The following GPC5 variants were observed in gnomAD, a reference collection of about 807,000 sequenced individuals.
GPC5 encodes glypican-5.
A neutral mutation model predicts 53.9 loss-of-function variants in GPC5; 47 were observed. That is an observed-to-expected ratio of 0.87 (90% confidence interval 0.69 to 1.11). The LOEUF is 1.11. Among genes scored for constraint, GPC5 ranks in the 50% most tolerant of loss-of-function variants. GPC5 has a pLI of 0.00. For synonymous variants in GPC5, 286 were observed against 263.3 expected, an observed-to-expected ratio of 1.09 and a Z score of -0.84; for missense variants, 748 against 713.1, an observed-to-expected ratio of 1.05 and a Z score of -0.56.
intron 6 of GPC5, among the ~76,000 whole-genome samples, chr13:92,125,811 C>G (rs193028249): frequency 6.6e-6 from 1 of 150,548 alleles, no homozygotes; most frequent in Admixed American, 6.6e-5. Flanking sequence ...GAAAATTTAT[C>G]TAATGTAGAA....
At position 92,023,017 on chromosome 13, in the gene GPC5, T is replaced by C. The variant is rs2040771495; in HGVS notation, c.1401+114960T>C. Among the ~76,000 whole-genome samples, 7 of 152,218 alleles carry C rather than the reference T, an allele frequency of 4.6e-5. No individual in the cohort carries two copies. The South Asian group carries it at 1.2e-3, about 27-fold the overall frequency. On this transcript the variant is annotated intron_variant, in intron 6 of 7. Transcript: ENST00000377067. ...TGTTTATAGAATGTTAATATTACGA[T>C]TAATAAAATATTTGACTCTGTTTCA...
intron 7 of GPC5, among the ~76,000 whole-genome samples, chr13:92,590,888 T>C (rs1461492047): frequency 6.6e-6 from 1 of 152,210 alleles, no homozygotes; most frequent in East Asian, 1.9e-4. Context: ...GTTTTCTCAT[T>C]GTATGATAAC....
At chr13:92,818,737 G>A (rs2138807552) in intron 7 of GPC5, among the ~76,000 whole-genome samples, 1 of 152,082 alleles carries the variant, frequency 6.6e-6, no homozygotes, top group South Asian at 2.1e-4. Flanking sequence ...GACAGGAACA[G>A]CTTGAGGTAT....
chr13:92,733,787 G>C (rs1309906712), intron 7 of GPC5, among the ~76,000 whole-genome samples: 1 of 151,572 alleles, frequency 6.6e-6, no homozygotes, highest in African/African-American at 2.4e-5. Flanking sequence ...TATCATTGTG[G>C]ATATTTGTAT....
intron 7 of GPC5, among the ~76,000 whole-genome samples, chr13:92,466,724 C>G (rs868129619): frequency 2.6e-5 from 4 of 152,086 alleles, no homozygotes; most frequent in Admixed American, 6.6e-5. Flanking sequence ...CTTGGTAAAT[C>G]ACTTCATGAG....
intron 6 of GPC5, among the ~76,000 whole-genome samples, chr13:91,978,938 G>T (rs532215352): frequency 6.6e-6 from 1 of 152,124 alleles, no homozygotes; most frequent in African/African-American, 2.4e-5. Flanking sequence ...GACAGAACAG[G>T]TTGATAAGAT....
chr13:91,439,620 G>T lies in GPC5; in HGVS notation c.164-9141G>T, dbSNP rs926560983. ...TTTTTTCCTTGCAAACCTGATGCTT[G>T]TGTATTCTCCTTTTCTCTTGATGGT... On this transcript the variant is annotated intron_variant, in intron 1 of 7. Transcript: ENST00000377067. Among the ~76,000 whole-genome samples the T allele has an allele frequency of 5.9e-5, 9 of 152,004 alleles. No individual in the cohort carries two copies. The South Asian group carries it at 1.9e-3, about 31-fold the overall frequency.
intron 7 of GPC5, among the ~76,000 whole-genome samples, chr13:92,181,949 G>A (rs962716123): frequency 6.6e-6 from 1 of 152,112 alleles, no homozygotes; most frequent in African/African-American, 2.4e-5. Flanking sequence ...GGTTTGCATT[G>A]GGAATCAAGT....
chr13:91,854,922 A>G (rs1227809558), intron 5 of GPC5, among the ~76,000 whole-genome samples: 4 of 151,868 alleles, frequency 2.6e-5, no homozygotes, highest in African/African-American at 9.6e-5. Flanking sequence ...ATGAGAATTC[A>G]GCACTTTCAA....
chr13:91,928,389 T>C (rs1340807705), intron 6 of GPC5, among the ~76,000 whole-genome samples: 2 of 152,166 alleles, frequency 1.3e-5, no homozygotes, highest in Non-Finnish European at 2.9e-5. Context: ...TATGACTCCA[T>C]AAAGTAAAGA....
intron 2 of GPC5, among the ~76,000 whole-genome samples, chr13:91,498,103 C>T (rs115642349): frequency 0.014 from 2,180 of 151,506 alleles, 28 homozygotes; most frequent in Non-Finnish European, 0.025. Flanking sequence ...TTTTTTCTCC[C>T]GCTTAATGCT....
At chr13:91,790,167 C>T (rs2037942360) in intron 5 of GPC5, among the ~76,000 whole-genome samples, 1 of 152,130 alleles carries the variant, frequency 6.6e-6, no homozygotes, top group African/African-American at 2.4e-5. Flanking sequence ...ATTTTTATAG[C>T]AGCCATTATA....
intron 7 of GPC5, among the ~76,000 whole-genome samples, chr13:92,478,461 A>G (rs1879230660): frequency 1.3e-5 from 2 of 152,202 alleles, no homozygotes; most frequent in South Asian, 2.1e-4. Flanking sequence ...TGATGGGATA[A>G]TTTAAAGAGA....
intron 6 of GPC5, among the ~76,000 whole-genome samples, chr13:91,996,957 TA>T (rs1417971670): frequency 6.6e-6 from 1 of 152,046 alleles, no homozygotes; most frequent in Non-Finnish European, 1.5e-5. Flanking sequence ...ATTATATTAG[TA>T]TAATATAAAA....
intron 2 of GPC5, among the ~76,000 whole-genome samples, chr13:91,538,205 G>A (rs1403697024): frequency 2.6e-5 from 4 of 152,202 alleles, no homozygotes; most frequent in Non-Finnish European, 5.9e-5. Flanking sequence ...AGCAGTGGAT[G>A]CTTGATGCTG....
At chr13:92,468,270 A>C (rs61973631) in intron 7 of GPC5, among the ~76,000 whole-genome samples, 10,444 of 152,210 alleles carry the variant, frequency 0.069, 470 homozygotes, top group African/African-American at 0.12. Flanking sequence ...CAAGCATACA[A>C]GCAGCATATT....
At chr13:92,528,655 T>G (rs1320154098) in intron 7 of GPC5, among the ~76,000 whole-genome samples, 2 of 152,148 alleles carry the variant, frequency 1.3e-5, no homozygotes. Flanking sequence ...GCCTAATAGA[T>G]GTTCTAAGGA....
chr13:91,883,344 A>T (rs2039287779), intron 5 of GPC5, among the ~76,000 whole-genome samples: 1 of 152,210 alleles, frequency 6.6e-6, no homozygotes, highest in Non-Finnish European at 1.5e-5. Context: ...TACTCTATTG[A>T]TTGTAGCAGT....
At chr13:92,842,633 A>C (rs1878466370) in intron 7 of GPC5, among the ~76,000 whole-genome samples, 1 of 150,614 alleles carries the variant, frequency 6.6e-6, no homozygotes, top group Non-Finnish European at 1.5e-5. Context: ...GTATCTCCCA[A>C]CAATGGGTAG....
Sources: allele counts gnomAD v4.1 joint callset (sites outside exome capture counted in the v4.1 genomes callset), GRCh38; gene constraint gnomAD v4.1.1; transcripts MANE v1.5; gene names NCBI Gene and HGNC (gene_info 2026-07-23, HGNC 2026-07-21).